Variants in PLXDC2 observed in about 807,000 individuals in gnomAD.
The protein encoded by PLXDC2 is plexin domain containing 2, also known as plexin domain-containing protein 2.
In PLXDC2, 40 loss-of-function variants were observed where a neutral mutation model predicts 68.9. That is an observed-to-expected ratio of 0.58 (90% confidence interval 0.45 to 0.76). The LOEUF (loss-of-function observed/expected upper bound fraction) is 0.76, where lower values mean the gene tolerates loss of function less well. Among genes scored for constraint, PLXDC2 ranks in the 30% least tolerant of loss-of-function variants. The pLI, the probability that PLXDC2 is intolerant of heterozygous loss-of-function variation, is 0.00. For synonymous variants in PLXDC2, 243 were observed against 234.2 expected (o/e 1.04, Z -0.34); for missense variants, 644 against 661.9 (o/e 0.97, Z 0.30).
chr10:19,833,617 G>A (rs1306983555), intron 1 of PLXDC2, among the ~76,000 whole-genome samples: 3 of 152,162 alleles, frequency 2.0e-5, no homozygotes, highest in Non-Finnish European at 2.9e-5. Flanking sequence ...AAATTCTGCC[G>A]CGTCATCTAC....
chr10:20,068,256 C>T lies in PLXDC2; in HGVS notation c.541+17C>T. ...CAACCGGGGGTAAGTGGTTTTCTAC[C>T]CATTCACCTTAAGTAATCTATGGTT... On this transcript the variant is annotated intron_variant, in intron 4 of 13. Transcript: ENST00000377252. 5 of 1,581,452 alleles carry T rather than the reference C, an allele frequency of 3.2e-6. No individual in the cohort carries two copies. The highest frequency in any genetic ancestry group is 4.3e-6 in the Non-Finnish European group (5 of 1,152,128).
chr10:20,009,372 G>C (rs1396812758), intron 2 of PLXDC2, among the ~76,000 whole-genome samples: 1 of 152,116 alleles, frequency 6.6e-6, no homozygotes, highest in Non-Finnish European at 1.5e-5. Context: ...ATCTGATGGA[G>C]TTTTTGTGTG....
At chr10:19,843,914 T>C (rs1406366103) in intron 1 of PLXDC2, among the ~76,000 whole-genome samples, 2 of 152,152 alleles carry the variant, frequency 1.3e-5, no homozygotes, top group Non-Finnish European at 2.9e-5. Flanking sequence ...TTCAAATAGC[T>C]GGAAGAGAGG....
chr10:20,218,970 C>G (rs1835175485), intron 11 of PLXDC2, 94 bp from the exon 12 acceptor site: 2 of 1,368,188 alleles, frequency 1.5e-6, no homozygotes, highest in Non-Finnish European at 2.0e-6. Flanking sequence ...CATGTTCCGA[C>G]CAAGGCAGTT....
chr10:19,994,311 A>ATT (rs1834805027), intron 1 of PLXDC2, among the ~76,000 whole-genome samples: 1 of 68,766 alleles, frequency 1.5e-5, no homozygotes, highest in African/African-American at 4.7e-5. Flanking sequence ...AACATGATTA[A>ATT]ATTTTTTTTT....
chr10:20,257,997 C>CTTTTTTTTTTTTTTTTTTTTTTT (rs550997528), intron 13 of PLXDC2, among the ~76,000 whole-genome samples: 1 of 84,360 alleles, frequency 1.2e-5, no homozygotes, highest in Non-Finnish European at 2.4e-5. Flanking sequence ...TTTTTTCTTT[C>CTTTTTTTTTTTTTTTTTTTTTTT]TTTTTTTTTT....
At chr10:19,925,409 A>G (rs913372680) in intron 1 of PLXDC2, among the ~76,000 whole-genome samples, 1 of 152,248 alleles carries the variant, frequency 6.6e-6, no homozygotes, top group Non-Finnish European at 1.5e-5. Context: ...AGTTAATGAC[A>G]GAAGAGCATG....
chr10:20,262,292 C>T (rs1402462867), intron 13 of PLXDC2, among the ~76,000 whole-genome samples: 1 of 152,188 alleles, frequency 6.6e-6, no homozygotes, highest in Admixed American at 6.5e-5. Flanking sequence ...CTTATTTGCT[C>T]TACAGAAGCT....
At position 20,271,132 on chromosome 10, in the gene PLXDC2, G is replaced by GAC. The variant is rs55677642; in HGVS notation, c.1474-8539_1474-8538dup. 3.8e-3 allele frequency among the ~76,000 whole-genome samples: 372 copies of GAC among 97,810 alleles called. 1 individual carries two copies. The highest frequency in any genetic ancestry group is 8.8e-3 in the African/African-American group (269 of 30,528). The allele number at this position is 97,810 out of a possible 152,430, so 64.2% of individuals were successfully genotyped here. ...AGGGGACCGTTTAAGACAAAAAACA[G>GAC]ACACACACACACACACACACACACA... is the stretch of plus-strand genomic sequence containing the variant. On this transcript the variant is annotated intron_variant, in intron 13 of 13. Coordinates refer to ENST00000377252, the MANE Select transcript of PLXDC2 (RefSeq NM_032812.9).
chr10:20,100,442 AT>A (rs893348890), intron 4 of PLXDC2, among the ~76,000 whole-genome samples: 8 of 151,650 alleles, frequency 5.3e-5, no homozygotes, highest in Admixed American at 1.3e-4. Flanking sequence ...GATGTCAGTG[AT>A]TTTTTTTTCC....
chr10:19,819,086 C>T (rs1370502143), intron 1 of PLXDC2, among the ~76,000 whole-genome samples: 1 of 150,938 alleles, frequency 6.6e-6, no homozygotes, highest in African/African-American at 2.4e-5. Context: ...TTTGCTATGC[C>T]AAGAAGTTCA....
chr10:20,004,634 A>G (rs927062982), intron 2 of PLXDC2, among the ~76,000 whole-genome samples: 5 of 152,220 alleles, frequency 3.3e-5, no homozygotes, highest in African/African-American at 1.2e-4. Context: ...AAAGACTTTT[A>G]AATTTCTTCG....
At chr10:20,278,967 T>C (rs1836045292) in intron 13 of PLXDC2, among the ~76,000 whole-genome samples, 1 of 152,218 alleles carries the variant, frequency 6.6e-6, no homozygotes, top group African/African-American at 2.4e-5. Context: ...GTTTGTTTGA[T>C]GGATGGAGTG....
chr10:19,908,655 C>G (rs1833213413), intron 1 of PLXDC2, among the ~76,000 whole-genome samples: 2 of 152,010 alleles, frequency 1.3e-5, no homozygotes, highest in African/African-American at 4.8e-5. Flanking sequence ...AGTTTAGGAT[C>G]AAGATTGTGT....
intron 9 of PLXDC2, among the ~76,000 whole-genome samples, chr10:20,178,840 G>A (rs1425543601): frequency 6.6e-6 from 1 of 151,934 alleles, no homozygotes; most frequent in Non-Finnish European, 1.5e-5. Flanking sequence ...TATTTCCTTT[G>A]TGAAATTAAT....
chr10:20,033,730 C>T (rs1217156194), intron 2 of PLXDC2, among the ~76,000 whole-genome samples: 5 of 152,124 alleles, frequency 3.3e-5, no homozygotes, highest in Admixed American at 3.3e-4. Flanking sequence ...AATTACCTCC[C>T]TCGAGTTCCT....
chr10:19,879,974 G>A (rs754998285), intron 1 of PLXDC2, among the ~76,000 whole-genome samples: 12 of 152,178 alleles, frequency 7.9e-5, no homozygotes, highest in Non-Finnish European at 1.0e-4. Flanking sequence ...CATGTGGATT[G>A]ACGTTATTTT....
intron 1 of PLXDC2, among the ~76,000 whole-genome samples, chr10:19,858,468 G>C (rs1271896351): frequency 6.6e-6 from 1 of 152,168 alleles, no homozygotes. Flanking sequence ...AAAGATTGCA[G>C]TGAACTTACA....
intron 4 of PLXDC2, among the ~76,000 whole-genome samples, chr10:20,121,391 G>A (rs1833695000): frequency 6.6e-6 from 1 of 152,196 alleles, no homozygotes; most frequent in Non-Finnish European, 1.5e-5. Context: ...TGTTTTGTAA[G>A]GGATTGAGGT....
Sources: allele counts gnomAD v4.1 joint callset (sites outside exome capture counted in the v4.1 genomes callset), GRCh38; gene constraint gnomAD v4.1.1; transcripts MANE v1.5; gene names NCBI Gene and HGNC (gene_info 2026-07-23, HGNC 2026-07-21).